Variants in APOB observed in about 807,000 individuals in gnomAD.
The protein encoded by APOB is apolipoprotein B, also known as apolipoprotein B-100.
Under a neutral mutation model 314.1 loss-of-function variants are expected in APOB, and 153 were observed. The ratio of observed to expected loss-of-function variants is 0.49; its 90% CI spans 0.43 to 0.56. The LOEUF is 0.56. Among genes scored for constraint, APOB ranks in the 20% least tolerant of loss-of-function variants. The pLI is 0.00. For synonymous variants in APOB, 2,087 were observed against 2,036.4 expected, an observed-to-expected ratio of 1.02 and a Z score of -0.67; for missense variants, 5,430 against 5,350.7, an observed-to-expected ratio of 1.01 and a Z score of -0.46.
chr2:21,034,006 A>G (rs963953345), intron 8 of APOB, among the ~76,000 whole-genome samples: 4 of 152,214 alleles, frequency 2.6e-5, no homozygotes, highest in Middle Eastern at 3.2e-3. Context: ...TACTGTTGAC[A>G]TGGTTACAAC....
chr2:21,016,970 C>A (rs962847725), intron 20 of APOB, among the ~76,000 whole-genome samples: 1 of 143,458 alleles, frequency 7.0e-6, no homozygotes, highest in African/African-American at 2.7e-5. Flanking sequence ...GGCAAAAGAG[C>A]GAGACTCCAT....
Position 21,029,493 on chromosome 2 carries a change from G to GAGGGAGGA in APOB, c.1617+145_1617+146insTCCTCCCT, listed in dbSNP as rs1553386278. The GAGGGAGGA allele has an allele frequency of 1.7e-5, 14 of 805,166 alleles. No homozygotes were observed. In the African/African-American group the frequency reaches 1.9e-4, roughly 11 times the overall value. The allele number at this position is 805,166 out of a possible 1,614,324, so 49.9% of individuals were successfully genotyped here. ...GAAGGAAAGAAGAAAGGGAGGGAGG[G>GAGGGAGGA]AGGAAGGAAGGAAGGAAGGAAGGAA... On this transcript the variant is annotated intron_variant, in intron 12 of 28. Coordinates refer to ENST00000233242, the MANE Select transcript of APOB (RefSeq NM_000384.3).
In APOB at chr2:21,007,279, T is replaced by C. The variant is rs756815276; in HGVS notation, c.9589A>G (p.Ile3197Val). Residue 3197 changes from isoleucine to valine, a missense_variant, in exon 26 of 29, where the codon ATC (isoleucine) becomes GTC (valine). Ile to Val is a conservative substitution (Grantham distance 29). This residue lies in a region of APOB where 3,281 missense variants were observed against 3,171.0 expected (regional missense o/e 1.03). Transcript: ENST00000233242. ...TNPLAVLCEFISQSIKSFDRH... is the reference protein window; with the variant it reads ...TNPLAVLCEFVSQSIKSFDRH... The stretch of plus-strand genomic sequence containing the variant: ...TCAAAGGATTTGATGCTCTGACTGA[T>C]AAACTCACAAAGCACAGCCAAAGGA... 3.7e-6 allele frequency: 6 copies of C among 1,613,698 alleles called. No homozygotes were observed. Among genetic ancestry groups the C allele is most frequent in the Non-Finnish European group, 5.1e-6 (6 of 1,179,772 alleles).
chr2:21,005,532 AATG>A lies in APOB; in HGVS notation c.11333_11335del (p.Ser3778del). 2 of 1,614,082 alleles carry A rather than the reference AATG, an allele frequency of 1.2e-6. No homozygotes were observed. The highest frequency in any genetic ancestry group is 1.7e-6 in the Non-Finnish European group (2 of 1,179,974). ...GGGGAGTGTTGGTAGGTTGAGGGCA[AATG>A]ATGAAGTTCTCAGCTTCTTATAGAT... On this transcript the variant is annotated inframe_deletion, in exon 26 of 29. Transcript: ENST00000233242.
At position 21,002,606 on chromosome 2, in the gene APOB, C is replaced by A. The variant is rs1355734181; in HGVS notation, c.12816G>T (p.Leu4272=). Residue 4272 remains leucine, a synonymous_variant, in exon 29 of 29, where the codon CTG becomes CTT. Transcript: ENST00000233242. Reference sequence around the variant, plus strand: ...GGGCTTCTTTTGATAAATCTTTCAACAGTTCCCTATACATCGAGATTACAT... The same window carrying A: ...GGGCTTCTTTTGATAAATCTTTCAAAAGTTCCCTATACATCGAGATTACAT... The part of the protein sequence containing the change: ...LIDVISMYRE[L]LKDLSKEAQE... 1.9e-6 allele frequency: 3 copies of A among 1,613,950 alleles called. No homozygotes were observed. The highest frequency in any genetic ancestry group is 2.5e-6 in the Non-Finnish European group (3 of 1,179,986).
Position 21,010,789 on chromosome 2 carries a change from G to A in APOB, c.6079C>T (p.Pro2027Ser), listed in dbSNP as rs1374949102. The A allele has an allele frequency of 2.5e-6, 4 of 1,614,120 alleles. No homozygotes were observed. Among genetic ancestry groups the A allele is most frequent in the Non-Finnish European group, 1.7e-6 (2 of 1,179,990 alleles). The change falls in exon 26 of 29, where the codon CCA (proline) becomes TCA (serine). Residue 2027 changes from proline (P) to serine (S), a missense_variant. This residue lies in a region of APOB where 3,281 missense variants were observed against 3,171.0 expected (regional missense o/e 1.03). Coordinates refer to ENST00000233242, the MANE Select transcript of APOB (RefSeq NM_000384.3). The stretch of plus-strand genomic sequence containing the variant: ...TTGATGGGCTCACTGAGTAAAAGTG[G>A]CACTTTAATTGGGGAGTCTAGTAGA... ...LTLLDSPIKVPLLLSEPINII... is the reference protein window; with the variant it reads ...LTLLDSPIKVSLLLSEPINII...
At position 21,008,901 on chromosome 2, in the gene APOB, A is replaced by G; in HGVS notation, c.7967T>C (p.Phe2656Ser). Reference sequence around the variant, plus strand: ...GTCAATTGTAAAGGAAGGAATGTGGAAGGTGTTAAGGATGGTAAATTCTGG... The same window carrying G: ...GTCAATTGTAAAGGAAGGAATGTGGGAGGTGTTAAGGATGGTAAATTCTGG... ...STPEFTILNT[F>S]HIPSFTIDFV... Residue 2656 changes from phenylalanine to serine, a missense_variant, in exon 26 of 29, where the codon TTC becomes TCC. Physicochemically the swap from Phe to Ser is radical, Grantham distance 155. Transcript: ENST00000233242. The G allele has an allele frequency of 1.2e-6, 2 of 1,614,068 alleles. No individual in the cohort carries two copies. The highest frequency in any genetic ancestry group is 2.2e-5 in the South Asian group (2 of 91,078).
Position 21,010,867 on chromosome 2 carries a change from T to C in APOB, c.6001A>G (p.Thr2001Ala), listed in dbSNP as rs140327327. ...AGCTCCACGCCAATTTTATCTTTAG[T>C]GTTGTAAGCATCCAAGTCCTGGCTG... ...EYSQDLDAYN[T>A]KDKIGVELTG... Residue 2001 changes from threonine to alanine, a missense_variant, in exon 26 of 29, where the codon ACT (threonine) becomes GCT (alanine). Physicochemically the swap from Thr to Ala is moderately conservative, Grantham distance 58. Coordinates refer to ENST00000233242, the MANE Select transcript of APOB (RefSeq NM_000384.3). The C allele has an allele frequency of 1.3e-5, 21 of 1,614,038 alleles. No individual in the cohort carries two copies. Among genetic ancestry groups the C allele is most frequent in the Non-Finnish European group, 1.7e-5 (20 of 1,180,030 alleles).
intron 8 of APOB, 48 bp from the exon 9 acceptor site, chr2:21,033,566 C>T (rs1663932729): frequency 6.7e-7 from 1 of 1,501,622 alleles, no homozygotes; most frequent in African/African-American, 1.4e-5. Flanking sequence ...TTCATCTCAA[C>T]CATATCTTTG....
At position 21,006,836 on chromosome 2, in the gene APOB, T is replaced by C. The variant is rs757857092; in HGVS notation, c.10032A>G (p.Lys3344=). 3 of 1,614,040 alleles carry C rather than the reference T, an allele frequency of 1.9e-6. No individual in the cohort carries two copies. The highest frequency in any genetic ancestry group is 2.2e-5 in the South Asian group (2 of 91,078). ...TGGTATTCAGTGTGATGACACTTGA[T>C]TTAAAGGAGAAATCATAGGTAATAT... is the stretch of plus-strand genomic sequence containing the variant. ...MGNITYDFSF[K]SSVITLNTNA... The change falls in exon 26 of 29, where the codon AAA becomes AAG. Residue 3344 remains lysine (K), a synonymous_variant. Transcript: ENST00000233242.
chr2:21,026,688 TC>T, intron 15 of APOB, 99 bp downstream of exon 15: 1 of 995,802 alleles, frequency 1.0e-6, no homozygotes, highest in Non-Finnish European at 1.6e-6. Flanking sequence ...AGTTATCCCT[TC>T]AGTTAGATAG....
intron 28 of APOB, 23 bp downstream of exon 28, chr2:21,004,246 G>T: frequency 6.2e-7 from 1 of 1,612,816 alleles, no homozygotes; most frequent in Non-Finnish European, 8.5e-7. Flanking sequence ...TTGGGGGCGT[G>T]TCACTCATTA....
rs544296330 is a variant in APOB, at chr2:21,031,745, G to T, written c.1352+609C>A. Among the ~76,000 whole-genome samples the T allele has an allele frequency of 3.3e-5, 5 of 152,274 alleles. No homozygotes were observed. The East Asian group carries it at 9.7e-4, about 29-fold the overall frequency. On this transcript the variant is annotated intron_variant, in intron 10 of 28. Transcript: ENST00000233242. ...TGCACCTGTGGTCCCAGCTACTCAGGAGGCTGAGGTGGGAGGATCACTTCA... is the reference window on the plus strand; with the variant it reads ...TGCACCTGTGGTCCCAGCTACTCAGTAGGCTGAGGTGGGAGGATCACTTCA...
chr2:21,007,975 T>G lies in APOB; in HGVS notation c.8893A>C (p.Ser2965Arg). 1 of 1,614,106 alleles carries G rather than the reference T, an allele frequency of 6.2e-7. No individual in the cohort carries two copies. The highest frequency in any genetic ancestry group is 8.5e-7 in the Non-Finnish European group (1 of 1,179,946). ...TTTTGGTTTACTCTTAGGTGTTTGCTATTGATCTTATTGGACAGTCCAAAG... is the reference window on the plus strand; with the variant it reads ...TTTTGGTTTACTCTTAGGTGTTTGCGATTGATCTTATTGGACAGTCCAAAG... The part of the protein sequence containing the change: ...TSFGLSNKIN[S>R]KHLRVNQNLV... The change falls in exon 26 of 29, where the codon AGC (serine) becomes CGC (arginine). Residue 2965 changes from serine to arginine, a missense_variant. Ser to Arg is a moderately radical substitution (Grantham distance 110). Transcript: ENST00000233242.
Position 21,010,495 on chromosome 2 carries a change from A to C in APOB, c.6373T>G (p.Tyr2125Asp), listed in dbSNP as rs1299803412. 6.2e-7 allele frequency: 1 copy of C among 1,610,400 alleles called. No homozygotes were observed. The highest frequency in any genetic ancestry group is 1.1e-5 in the South Asian group (1 of 90,726). Residue 2125 changes from tyrosine (Y) to aspartate (D), a missense_variant, in exon 26 of 29, where the codon TAT (tyrosine) becomes GAT (aspartate). Tyr to Asp is a radical substitution (Grantham distance 160, BLOSUM62 -3). Coordinates refer to ENST00000233242, the MANE Select transcript of APOB (RefSeq NM_000384.3). The part of the protein sequence containing the change: ...LGKLPQQAND[Y>D]LNSFNWERQV... ...CTCTCCCAATTGAATGAATTCAGAT[A>C]ATCATTAGCTTGCTGTGGGAGTTTT...
Position 21,003,097 on chromosome 2 carries a change from G to T in APOB, c.12325C>A (p.Gln4109Lys), listed in dbSNP as rs928519754. The stretch of plus-strand genomic sequence containing the variant: ...TGATAAACCCACTCAGCATTGTTCT[G>T]CAGATTTCTTCTCAGCTTTGAAGAC... ...EVSSKLRRNL[Q>K]NNAEWVYQGA... The change falls in exon 29 of 29, where the codon CAG (glutamine) becomes AAG (lysine). Residue 4109 changes from glutamine to lysine, a missense_variant. This residue lies in a region of APOB where 3,281 missense variants were observed against 3,171.0 expected (regional missense o/e 1.03). Transcript: ENST00000233242. 9.4e-6 allele frequency: 15 copies of T among 1,596,300 alleles called. No individual in the cohort carries two copies. The highest frequency in any genetic ancestry group is 1.1e-5 in the Non-Finnish European group (13 of 1,170,238).
intron 14 of APOB, among the ~76,000 whole-genome samples, chr2:21,027,310 T>TTTTC (rs1212130753): frequency 7.0e-6 from 1 of 142,828 alleles, no homozygotes; most frequent in East Asian, 2.0e-4. Context: ...ATTTCAATTT[T>TTTTC]TTTTTTTTTT....
In APOB at chr2:21,011,345, G is replaced by A. The variant is rs1237168918; in HGVS notation, c.5523C>T (p.Ala1841=). 6.2e-7 allele frequency: 1 copy of A among 1,614,048 alleles called. No homozygotes were observed. The highest frequency in any genetic ancestry group is 1.3e-5 in the African/African-American group (1 of 74,904). ...TTGCTGATAAGGCAGCAGAAGAGAT[G>A]GCATAGATGTGTTTTATTTCATTAT... The part of the protein sequence containing the change: ...YQNNEIKHIY[A]ISSAALSASY... Residue 1841 remains alanine, a synonymous_variant, in exon 26 of 29, where the codon GCC becomes GCT. Transcript: ENST00000233242.
Position 21,002,789 on chromosome 2 carries a change from G to A in APOB, c.12633C>T (p.Tyr4211=). 6.2e-7 allele frequency: 1 copy of A among 1,609,866 alleles called. No homozygotes were observed. ...RFQFPGKPGI[Y]TREELCTMFI... Reference sequence around the variant, plus strand: ...ACATAGTGCAAAGTTCCTCCCTAGTGTATATCCCAGGTTTCCCCGGAAACT... The same window carrying A: ...ACATAGTGCAAAGTTCCTCCCTAGTATATATCCCAGGTTTCCCCGGAAACT... The change falls in exon 29 of 29, where the codon TAC becomes TAT. Residue 4211 remains tyrosine, a synonymous_variant. Transcript: ENST00000233242.
Sources: allele counts gnomAD v4.1 joint callset (sites outside exome capture counted in the v4.1 genomes callset), GRCh38; gene constraint gnomAD v4.1.1; regional missense constraint gnomAD v4.1.1; transcripts MANE v1.5; gene names NCBI Gene and HGNC (gene_info 2026-07-23, HGNC 2026-07-21).